Variants in ZNF804B observed in about 807,000 individuals in gnomAD.
The protein encoded by ZNF804B is zinc finger protein 804B.
In ZNF804B, 80 loss-of-function variants were observed where a neutral mutation model predicts 101.4. The ratio of observed to expected loss-of-function variants is 0.79; its 90% CI spans 0.66 to 0.95. ZNF804B has a LOEUF of 0.95. ZNF804B is among the 40% of genes least tolerant of loss of function. ZNF804B has a pLI of 0.00. For synonymous variants in ZNF804B, 622 were observed against 558.8 expected (o/e 1.11, Z -1.59); for missense variants, 1,673 against 1,561.9 (o/e 1.07, Z -1.20).
chr7:89,233,488 G>A (rs1461810334), intron 2 of ZNF804B, among the ~76,000 whole-genome samples: 5 of 152,044 alleles, frequency 3.3e-5, no homozygotes, highest in African/African-American at 1.2e-4. Context: ...ATTGATTATA[G>A]CCATTTTGTT....
At chr7:89,144,951 TA>T (rs1042139267) in intron 1 of ZNF804B, among the ~76,000 whole-genome samples, 1 of 151,668 alleles carries the variant, frequency 6.6e-6, no homozygotes. Flanking sequence ...ATAGAAAATA[TA>T]AAAATTAGCT....
At chr7:89,150,593 A>C (rs906373162) in intron 1 of ZNF804B, among the ~76,000 whole-genome samples, 2 of 152,140 alleles carry the variant, frequency 1.3e-5, no homozygotes, top group East Asian at 1.9e-4. Flanking sequence ...GTGTATATAA[A>C]AGATTTAAGA....
intron 1 of ZNF804B, among the ~76,000 whole-genome samples, chr7:89,178,534 A>T (rs937533910): frequency 7.2e-5 from 11 of 152,256 alleles, no homozygotes; most frequent in Middle Eastern, 6.8e-3. Flanking sequence ...AAAACATGCA[A>T]AGTGAAAACT....
chr7:89,190,376 G>T (rs755181445), intron 1 of ZNF804B, among the ~76,000 whole-genome samples: 23 of 151,194 alleles, frequency 1.5e-4, no homozygotes, highest in Non-Finnish European at 2.5e-4. Flanking sequence ...TTAAAATAGG[G>T]GCCTGAAGAT....
At chr7:89,097,619 CAAAT>C (rs1478908571) in intron 1 of ZNF804B, among the ~76,000 whole-genome samples, 4 of 152,066 alleles carry the variant, frequency 2.6e-5, no homozygotes, top group Non-Finnish European at 2.9e-5. Context: ...GCTATCAACT[CAAAT>C]AAAACCTAAC....
At chr7:89,266,145 TC>T (rs1245445155) in intron 2 of ZNF804B, among the ~76,000 whole-genome samples, 3 of 152,168 alleles carry the variant, frequency 2.0e-5, no homozygotes, top group Non-Finnish European at 4.4e-5. Flanking sequence ...CAGGGCCATT[TC>T]CATTCTTCTT....
intron 1 of ZNF804B, among the ~76,000 whole-genome samples, chr7:88,923,294 CA>C (rs1792751441): frequency 1.3e-5 from 2 of 152,046 alleles, no homozygotes; most frequent in Admixed American, 6.6e-5. Context: ...GATTTCTCAT[CA>C]GTGGACCAAG....
intron 1 of ZNF804B, among the ~76,000 whole-genome samples, chr7:89,149,330 C>G (rs1790836397): frequency 6.6e-6 from 1 of 152,072 alleles, no homozygotes; most frequent in South Asian, 2.1e-4. Context: ...AATAAAGGTA[C>G]AAAGCCTTGG....
chr7:88,970,627 G>C (rs1793521380), intron 1 of ZNF804B, among the ~76,000 whole-genome samples: 1 of 151,272 alleles, frequency 6.6e-6, no homozygotes, highest in South Asian at 2.1e-4. Context: ...TGTAGCCCAT[G>C]GAAGAAATCT....
intron 1 of ZNF804B, among the ~76,000 whole-genome samples, chr7:88,966,731 T>C (rs1434483753): frequency 6.6e-6 from 1 of 150,954 alleles, no homozygotes; most frequent in Admixed American, 6.6e-5. Flanking sequence ...CATTTACAAA[T>C]AATAAAAGGC....
chr7:89,300,242 T>C (rs890847708), intron 2 of ZNF804B, among the ~76,000 whole-genome samples: 3 of 151,888 alleles, frequency 2.0e-5, no homozygotes, highest in South Asian at 2.1e-4. Context: ...CCCTTCATAA[T>C]TCAAGTTATT....
chr7:89,045,601 C>A (rs1236448978), intron 1 of ZNF804B, among the ~76,000 whole-genome samples: 1 of 152,174 alleles, frequency 6.6e-6, no homozygotes, highest in Admixed American at 6.5e-5. Context: ...ACATGGAGTC[C>A]AAGGAGATCA....
intron 2 of ZNF804B, among the ~76,000 whole-genome samples, chr7:89,235,459 C>G (rs192228956): frequency 2.6e-5 from 4 of 152,282 alleles, no homozygotes; most frequent in Admixed American, 6.5e-5. Flanking sequence ...TATCAAAAAT[C>G]TGAGTTACCC....
intron 1 of ZNF804B, among the ~76,000 whole-genome samples, chr7:89,089,746 C>T (rs1339052972): frequency 6.6e-6 from 1 of 151,882 alleles, no homozygotes; most frequent in Non-Finnish European, 1.5e-5. Context: ...CTGAAATGTG[C>T]AGGTGGCAAG....
At chr7:89,211,457 G>A (rs1788802431) in intron 1 of ZNF804B, among the ~76,000 whole-genome samples, 1 of 152,116 alleles carries the variant, frequency 6.6e-6, no homozygotes, top group African/African-American at 2.4e-5. Context: ...TGTCTTGAAT[G>A]CTATTGCCTA....
At chr7:89,279,581 A>C (rs1409717462) in intron 2 of ZNF804B, among the ~76,000 whole-genome samples, 1 of 152,086 alleles carries the variant, frequency 6.6e-6, no homozygotes, top group Non-Finnish European at 1.5e-5. Context: ...AATTTTGTCA[A>C]AGGCCTTTTC....
intron 1 of ZNF804B, among the ~76,000 whole-genome samples, chr7:89,171,678 G>A (rs1352776986): frequency 1.8e-4 from 27 of 152,074 alleles, no homozygotes; most frequent in African/African-American, 5.1e-4. Flanking sequence ...CAAGTGATCC[G>A]CCTGCCTTGG....
chr7:88,815,228 GTTATT>G (rs1360549169), intron 1 of ZNF804B, among the ~76,000 whole-genome samples: 2 of 147,486 alleles, frequency 1.4e-5, no homozygotes, highest in African/African-American at 2.5e-5. Flanking sequence ...CATTTTAAAA[GTTATT>G]TTATTATTTA....
intron 1 of ZNF804B, among the ~76,000 whole-genome samples, chr7:88,831,777 C>G (rs1791138353): frequency 6.6e-6 from 1 of 151,822 alleles, no homozygotes; most frequent in Admixed American, 6.6e-5. Context: ...TGCTCTTTGA[C>G]CATTTATAAT....
Sources: allele counts gnomAD v4.1 joint callset (sites outside exome capture counted in the v4.1 genomes callset), GRCh38; gene constraint gnomAD v4.1.1; transcripts MANE v1.5; gene names NCBI Gene and HGNC (gene_info 2026-07-23, HGNC 2026-07-21).